The following ZNF333 variants were observed in gnomAD, a reference collection of about 807,000 sequenced individuals.
The protein encoded by ZNF333 is zinc finger protein 333.
A neutral mutation model predicts 76.1 loss-of-function variants in ZNF333; 61 were observed. The observed-to-expected ratio is 0.80, with a 90% CI of 0.65 to 0.99. ZNF333 has a LOEUF of 0.99. ZNF333 is among the 50% of genes least tolerant of loss of function. The pLI, the probability that ZNF333 is intolerant of heterozygous loss-of-function variation, is 0.00. For synonymous variants in ZNF333, 284 were observed against 305.0 expected, an observed-to-expected ratio of 0.93 and a Z score of 0.72; for missense variants, 717 against 822.4, an observed-to-expected ratio of 0.87 and a Z score of 1.57.
At chr19:14,716,492 C>A (rs186373687) in intron 9 of ZNF333, among the ~76,000 whole-genome samples, 8 of 152,258 alleles carry the variant, frequency 5.3e-5, no homozygotes, top group Admixed American at 2.0e-4. Flanking sequence ...CTTCTGGGCT[C>A]AAGTGATTCA....
chr19:14,711,801 T>C (rs2042283780), intron 7 of ZNF333, among the ~76,000 whole-genome samples: 1 of 152,162 alleles, frequency 6.6e-6, no homozygotes, highest in Non-Finnish European at 1.5e-5. Flanking sequence ...CCCAGGCTTA[T>C]TCTTACAAAG....
At chr19:14,697,947 T>C (rs1222455676) in intron 4 of ZNF333, among the ~76,000 whole-genome samples, 1 of 152,224 alleles carries the variant, frequency 6.6e-6, no homozygotes, top group East Asian at 1.9e-4. Context: ...ATCTGCTTTC[T>C]GGAAATAGTC....
At chr19:14,704,489 T>C (rs1188299829) in intron 5 of ZNF333, among the ~76,000 whole-genome samples, 2 of 152,166 alleles carry the variant, frequency 1.3e-5, no homozygotes, top group East Asian at 1.9e-4. Flanking sequence ...TATTAGTCTG[T>C]GTTCACACTG....
chr19:14,705,643 G>A (rs185362292), intron 6 of ZNF333, among the ~76,000 whole-genome samples: 48 of 152,322 alleles, frequency 3.2e-4, no homozygotes, highest in African/African-American at 1.0e-3. Context: ...CCCCCAGGCC[G>A]TGGACCAGTA....
intron 4 of ZNF333, 41 bp downstream of exon 4, chr19:14,695,702 T>C (rs1208880908): frequency 3.8e-6 from 6 of 1,581,934 alleles, no homozygotes; most frequent in Non-Finnish European, 5.2e-6. Context: ...ACCCCCCTGG[T>C]TGGGTGGTGT....
At chr19:14,731,238 A>G in exon 12 of ZNF333, 1 of 1,504,970 alleles carries the variant, frequency 6.6e-7, no homozygotes, top group South Asian at 1.2e-5. Context: ...GATCGCTAGA[A>G]TCCAACCTCT....
chr19:14,691,191 G>A (rs1472083898), intron 1 of ZNF333, among the ~76,000 whole-genome samples: 1 of 152,044 alleles, frequency 6.6e-6, no homozygotes, highest in Non-Finnish European at 1.5e-5. Flanking sequence ...TCTGCTGTGG[G>A]CATCAAGTTT....
intron 1 of ZNF333, 42 bp from the exon 2 acceptor site, chr19:14,693,405 TTCCG>T (rs1972917542): frequency 6.7e-7 from 1 of 1,495,766 alleles, no homozygotes; most frequent in African/African-American, 1.4e-5. Flanking sequence ...AATGCTCTGC[TTCCG>T]TCCTCACCCC....
At chr19:14,693,287 C>G (rs1310419133) in intron 1 of ZNF333, among the ~76,000 whole-genome samples, 164 bp from the exon 2 acceptor site, 1 of 152,180 alleles carries the variant, frequency 6.6e-6, no homozygotes, top group Non-Finnish European at 1.5e-5. Context: ...CAGTAGCAGT[C>G]ACTAGAGGCT....
At chr19:14,703,440 C>G (rs2042021439) in intron 5 of ZNF333, among the ~76,000 whole-genome samples, 2 of 152,174 alleles carry the variant, frequency 1.3e-5, no homozygotes, top group Admixed American at 1.3e-4. Flanking sequence ...AAAACAGTTT[C>G]TTTAAGTTGA....
chr19:14,718,410 T>C lies in ZNF333; in HGVS notation c.1083T>C (p.Ser361=). ...AHLIVPEKIR[S]GDKSYACNKC... ...TAATTGTGCCCGAGAAAATCCGTAG[T>C]GGGGATAAATCCTATGCATGTAACA... The change falls in exon 12 of 12, where the codon AGT becomes AGC. Residue 361 remains serine, a synonymous_variant. Transcript: ENST00000292530. 9.3e-6 allele frequency: 15 copies of C among 1,614,184 alleles called. No homozygotes were observed. Among genetic ancestry groups the C allele is most frequent in the Non-Finnish European group, 1.2e-5 (14 of 1,180,024 alleles).
chr19:14,717,547 C>A, intron 10 of ZNF333, 110 bp from the exon 11 acceptor site: 2 of 870,068 alleles, frequency 2.3e-6, no homozygotes, highest in South Asian at 1.4e-5. Flanking sequence ...TACATAGGAC[C>A]AGTATTTGGG....
At chr19:14,716,914 C>G in intron 9 of ZNF333, 80 bp from the exon 10 acceptor site, 2 of 1,348,374 alleles carry the variant, frequency 1.5e-6, no homozygotes, top group African/African-American at 1.4e-5. Context: ...TCTAGAGCCC[C>G]TAAAGACTTG....
rs201912856 is a variant in ZNF333 at position 14,718,893 on chromosome 19, C to T, written c.1566C>T (p.Asn522=). 6.4e-5 allele frequency: 103 copies of T among 1,614,118 alleles called. No homozygotes were observed. The East Asian group carries it at 9.6e-4, about 15-fold the overall frequency. The part of the protein sequence containing the change: ...GKPFRTSTHL[N]VHKRIHTGEK... ...CCTTCCGGACGAGCACTCATCTGAA[C>T]GTGCACAAGAGGATACACACAGGGG... The change falls in exon 12 of 12, where the codon AAC becomes AAT. Residue 522 remains asparagine, a synonymous_variant. Transcript: ENST00000292530.
rs2042669556 is a variant in ZNF333, at chr19:14,731,324, G to A, written c.*138G>A. The A allele has an allele frequency of 5.9e-6, 5 of 850,710 alleles. No individual in the cohort carries two copies. The Admixed American group carries it at 9.6e-5, about 16-fold the overall frequency. The allele number at this position is 850,710 out of a possible 1,614,324, so 52.7% of individuals were successfully genotyped here. ...CTGAAGCTTGCAGGTCAGTGGCCTT[G>A]GACTTTCAAACTTCCAGTTCCGTGA... On this transcript the variant is annotated 3_prime_UTR_variant, in exon 12 of 12. Coordinates refer to the ZNF333 transcript ENST00000540689.
At chr19:14,722,768 A>G (rs916598073), downstream of ZNF333, among the ~76,000 whole-genome samples, 2 of 151,810 alleles carry the variant, frequency 1.3e-5, no homozygotes, top group African/African-American at 4.8e-5. Context: ...TTATGAGTTA[A>G]TTTCTGTTTG....
intron 11 of ZNF333, among the ~76,000 whole-genome samples, chr19:14,727,444 C>T (rs2524358): frequency 0.17 from 26,547 of 152,042 alleles, 2,582 homozygotes; most frequent in Non-Finnish European, 0.21. Flanking sequence ...GAAAGCAAAG[C>T]GGGAGCAGGC....
intron 5 of ZNF333, 74 bp downstream of exon 5, chr19:14,699,355 C>A: frequency 7.6e-7 from 1 of 1,319,164 alleles, no homozygotes; most frequent in Non-Finnish European, 1.1e-6. Flanking sequence ...AAATACAGGA[C>A]CAGAGCCAGG....
intron 10 of ZNF333, 122 bp from the exon 11 acceptor site, chr19:14,717,535 C>T (rs111714886): frequency 0.012 from 9,331 of 766,590 alleles, 88 homozygotes; most frequent in Non-Finnish European, 0.017. Context: ...AATTTCTTCC[C>T]GTACATAGGA....
Sources: allele counts gnomAD v4.1 joint callset (sites outside exome capture counted in the v4.1 genomes callset), GRCh38; gene constraint gnomAD v4.1.1; transcripts MANE v1.5; gene names NCBI Gene and HGNC (gene_info 2026-07-23, HGNC 2026-07-21).